The following PARD3B variants were observed in gnomAD, a reference collection of about 807,000 sequenced individuals.
PARD3B encodes partitioning defective 3 homolog B.
A neutral mutation model predicts 130.2 loss-of-function variants in PARD3B; 103 were observed. That is an observed-to-expected ratio of 0.79 (90% CI 0.67 to 0.93). The LOEUF is 0.93. PARD3B is among the 40% of genes least tolerant of loss of function. PARD3B has a pLI of 0.00. For missense variants in PARD3B, 1,609 were observed against 1,499.2 expected (o/e 1.07, Z -1.21); for synonymous variants, 583 against 553.2 (o/e 1.05, Z -0.76).
At chr2:205,554,662 A>G (rs2052799392) in intron 22 of PARD3B, among the ~76,000 whole-genome samples, 1 of 152,162 alleles carries the variant, frequency 6.6e-6, no homozygotes, top group Admixed American at 6.5e-5. Context: ...CATGGATTCG[A>G]TCAATCTCAG....
At chr2:205,035,815 A>ATATATATATAT (rs1697796387) in intron 3 of PARD3B, among the ~76,000 whole-genome samples, 1 of 26,304 alleles carries the variant, frequency 3.8e-5, no homozygotes, top group African/African-American at 2.9e-4. Context: ...ATATATATAT[A>ATATATATATAT]TATATCTATA....
chr2:205,619,146 A>T lies in PARD3B; in HGVS notation c.*3333A>T, dbSNP rs1048095326. ...AAACATGACTCATTGTCCCCTCCAA[A>T]GATTCATAAAATTCTTGAGCTAAAG... On this transcript the variant is annotated 3_prime_UTR_variant, in exon 23 of 23. Coordinates refer to ENST00000406610, the MANE Select transcript of PARD3B (RefSeq NM_001302769.2). 2.0e-5 allele frequency: 3 copies of T among 152,160 alleles called. No individual in the cohort carries two copies. Among genetic ancestry groups the T allele is most frequent in the Non-Finnish European group, 4.4e-5 (3 of 68,028 alleles). 9.4% of individuals were successfully genotyped at this position (152,160 alleles called of 1,614,324 possible).
intron 1 of PARD3B, among the ~76,000 whole-genome samples, chr2:204,608,012 A>G (rs181457352): frequency 2.3e-4 from 35 of 152,308 alleles, no homozygotes; most frequent in South Asian, 4.1e-4. Context: ...AAAGTGTTCA[A>G]TGGGACCCTT....
intron 2 of PARD3B, among the ~76,000 whole-genome samples, chr2:204,726,496 T>G (rs962828642): frequency 2.0e-5 from 3 of 152,134 alleles, no homozygotes; most frequent in Admixed American, 6.6e-5. Context: ...TCCCTCAATG[T>G]TGGCGTCAAG....
intron 2 of PARD3B, among the ~76,000 whole-genome samples, chr2:204,832,668 T>C (rs2043871897): frequency 6.6e-6 from 1 of 152,114 alleles, no homozygotes; most frequent in Non-Finnish European, 1.5e-5. Flanking sequence ...TTCTTGGCTG[T>C]GATGGGTACG....
chr2:205,045,988 A>T (rs1298342811), intron 3 of PARD3B, among the ~76,000 whole-genome samples: 1 of 152,064 alleles, frequency 6.6e-6, no homozygotes, highest in Non-Finnish European at 1.5e-5. Context: ...TCAACTTGTA[A>T]TTTACTGGCC....
At chr2:205,567,234 GA>G (rs1313169407) in intron 22 of PARD3B, among the ~76,000 whole-genome samples, 3 of 148,716 alleles carry the variant, frequency 2.0e-5, no homozygotes, top group Admixed American at 6.7e-5. Context: ...GAACAGAATG[GA>G]AAAAAATAAT....
intron 1 of PARD3B, among the ~76,000 whole-genome samples, chr2:204,624,429 A>G (rs1443793774): frequency 6.6e-6 from 1 of 152,210 alleles, no homozygotes; most frequent in African/African-American, 2.4e-5. Context: ...AAAATGAAAA[A>G]ATAGAAATAT....
intron 2 of PARD3B, among the ~76,000 whole-genome samples, chr2:204,705,898 C>G (rs1332892840): frequency 5.3e-5 from 8 of 152,144 alleles, no homozygotes; most frequent in Admixed American, 4.6e-4. Flanking sequence ...CCATCTGCAA[C>G]TGATACTATG....
At position 204,733,298 on chromosome 2, in the gene PARD3B, CA is replaced by C. The variant is rs2039597379; in HGVS notation, c.222+47020del. Among the ~76,000 whole-genome samples the C allele has an allele frequency of 1.3e-5, 2 of 152,054 alleles. 1 individual carries two copies. Among genetic ancestry groups the C allele is most frequent in the South Asian group, 4.1e-4 (2 of 4,822 alleles). Reference sequence around the variant, plus strand: ...ATGAAATACTTAGGGATAAATTTGACAAAATATGTGAAAGATCTGTACATTA... The same window carrying C: ...ATGAAATACTTAGGGATAAATTTGACAAATATGTGAAAGATCTGTACATTA... On this transcript the variant is annotated intron_variant, in intron 2 of 22. Transcript: ENST00000406610.
chr2:204,615,355 A>AATGCCT (rs1433473863), intron 1 of PARD3B, among the ~76,000 whole-genome samples: 4 of 152,174 alleles, frequency 2.6e-5, no homozygotes, highest in African/African-American at 7.2e-5. Flanking sequence ...TTGTCCTTTG[A>AATGCCT]ATGCCTCTTT....
chr2:205,174,382 G>A (rs1165905314), intron 12 of PARD3B, among the ~76,000 whole-genome samples: 1 of 152,164 alleles, frequency 6.6e-6, no homozygotes, highest in African/African-American at 2.4e-5. Context: ...TTTCCATGGG[G>A]AATGAGCAGG....
At chr2:204,966,542 G>T (rs1432934764) in intron 3 of PARD3B, among the ~76,000 whole-genome samples, 2 of 152,146 alleles carry the variant, frequency 1.3e-5, no homozygotes, top group Non-Finnish European at 1.5e-5. Flanking sequence ...AAGACGAAAG[G>T]AGAAAATTGC....
At chr2:204,615,189 A>G (rs2034065989) in intron 1 of PARD3B, among the ~76,000 whole-genome samples, 1 of 152,172 alleles carries the variant, frequency 6.6e-6, no homozygotes, top group Non-Finnish European at 1.5e-5. Flanking sequence ...AGGGATGAAT[A>G]TTTTCATAGT....
chr2:205,349,688 T>C (rs1352029946), intron 18 of PARD3B, among the ~76,000 whole-genome samples: 1 of 151,928 alleles, frequency 6.6e-6, no homozygotes, highest in South Asian at 2.1e-4. Flanking sequence ...TGAGGTTTAA[T>C]TAATGAGTAG....
rs1305032260 is a variant in PARD3B, at chr2:205,401,120, A to C, written c.2738A>C (p.Glu913Ala). 6.3e-7 allele frequency: 1 copy of C among 1,587,308 alleles called. No individual in the cohort carries two copies. Among genetic ancestry groups the C allele is most frequent in the Non-Finnish European group, 8.6e-7 (1 of 1,165,338 alleles). ...EELEKMKEER[E>A]RIGAKHQELR... Reference sequence around the variant, plus strand: ...CTGGAGAAAATGAAAGAAGAGCGTGAAAGGTGAGCAGAAGTGCCGAGACCT... The same window carrying C: ...CTGGAGAAAATGAAAGAAGAGCGTGCAAGGTGAGCAGAAGTGCCGAGACCT... Residue 913 changes from glutamate to alanine, a missense_variant, in exon 19 of 23, where the codon GAA becomes GCA. Physicochemically the swap from Glu to Ala is moderately radical, Grantham distance 107. Transcript: ENST00000406610.
chr2:205,495,940 A>C (rs1281711896), intron 20 of PARD3B, among the ~76,000 whole-genome samples: 2 of 152,174 alleles, frequency 1.3e-5, no homozygotes, highest in African/African-American at 4.8e-5. Context: ...CTCATGTACA[A>C]TTCCTATAGA....
chr2:204,900,401 C>T (rs1353020005), intron 2 of PARD3B, among the ~76,000 whole-genome samples: 1 of 152,148 alleles, frequency 6.6e-6, no homozygotes, highest in African/African-American at 2.4e-5. Flanking sequence ...TCTTAGGAGA[C>T]ACCGACACAG....
chr2:205,193,216 A>G lies in PARD3B; in HGVS notation c.2036A>G (p.Asp679Gly). 6.2e-7 allele frequency: 1 copy of G among 1,608,344 alleles called. No individual in the cohort carries two copies. Among genetic ancestry groups the G allele is most frequent in the Non-Finnish European group, 8.5e-7 (1 of 1,174,778 alleles). The change falls in exon 15 of 23, where the codon GAT (aspartate) becomes GGT (glycine). Residue 679 changes from aspartate (D) to glycine (G), a missense_variant. Transcript: ENST00000406610. ...GCTTCCTTCCACAGCTCTGGGGTGG[A>G]TTCAGCAGTATATTTTCCAGATCAG... is the stretch of plus-strand genomic sequence containing the variant. Reference protein sequence around the residue: ...LEDYSHSSGVDSAVYFPDQHI... With the variant: ...LEDYSHSSGVGSAVYFPDQHI...
Sources: allele counts gnomAD v4.1 joint callset (sites outside exome capture counted in the v4.1 genomes callset), GRCh38; gene constraint gnomAD v4.1.1; transcripts MANE v1.5; gene names NCBI Gene and HGNC (gene_info 2026-07-23, HGNC 2026-07-21).